TRAF3IP3: variants seen among roughly 807,000 people sequenced by gnomAD.
The protein encoded by TRAF3IP3 is TRAF3-interacting JNK-activating modulator.
A neutral mutation model predicts 86.5 loss-of-function variants in TRAF3IP3; 64 were observed. The ratio of observed to expected loss-of-function variants is 0.74; its 90% CI spans 0.60 to 0.91. TRAF3IP3 has a LOEUF of 0.91. Ranked by LOEUF, TRAF3IP3 falls within the 40% of genes least tolerant of loss-of-function variation. TRAF3IP3 has a pLI of 0.00. For synonymous variants in TRAF3IP3, 220 were observed against 243.9 expected (o/e 0.90, Z 0.91); for missense variants, 579 against 642.9 (o/e 0.90, Z 1.07).
chr1:209,760,354 T>C lies in TRAF3IP3; in HGVS notation c.315T>C (p.Cys105=). The C allele has an allele frequency of 1.9e-6, 3 of 1,608,796 alleles. No homozygotes were observed. Among genetic ancestry groups the C allele is most frequent in the Non-Finnish European group, 2.5e-6 (3 of 1,177,530 alleles). Residue 105 remains cysteine, a synonymous_variant, in exon 3 of 17, where the codon TGT becomes TGC. Coordinates refer to ENST00000367025, the MANE Select transcript of TRAF3IP3 (RefSeq NM_025228.4). ...CTGTCCTCAAGGAACCCTTGTCTTG[T>C]GCCAGAAGGATTTCTTCTCCCAGAG... is the stretch of plus-strand genomic sequence containing the variant. ...QVTVLKEPLS[C]ARRISSPREQ...
Position 209,780,624 on chromosome 1 carries a change from G to A in TRAF3IP3, c.1449+18G>A, listed in dbSNP as rs765230204. Reference sequence around the variant, plus strand: ...AAAAGGAGGTGAGAGGGTGACCTGAGATAGTGAGGGCTCATTTGCGAAATA... The same window carrying A: ...AAAAGGAGGTGAGAGGGTGACCTGAAATAGTGAGGGCTCATTTGCGAAATA... On this transcript the variant is annotated intron_variant, in intron 15 of 16. Transcript: ENST00000367025. The A allele has an allele frequency of 1.3e-6, 2 of 1,543,336 alleles. No individual in the cohort carries two copies. The highest frequency in any genetic ancestry group is 2.4e-5 in the South Asian group (2 of 83,300).
chr1:209,763,297 G>A, intron 6 of TRAF3IP3, 66 bp from the exon 7 acceptor site: 1 of 1,576,972 alleles, frequency 6.3e-7, no homozygotes, highest in South Asian at 1.1e-5. Context: ...CCCAGGCTCT[G>A]GTTCTATATC....
chr1:209,757,691 G>A (rs962275990), intron 1 of TRAF3IP3, among the ~76,000 whole-genome samples: 7 of 152,184 alleles, frequency 4.6e-5, no homozygotes, highest in African/African-American at 1.7e-4. Context: ...TTAGCTTGGA[G>A]CCTTTGTCTT....
chr1:209,762,606 C>T lies in TRAF3IP3; in HGVS notation c.437C>T (p.Ala146Val), dbSNP rs745707030. The T allele has an allele frequency of 6.6e-7, 1 of 1,521,658 alleles. No homozygotes were observed. Among genetic ancestry groups the T allele is most frequent in the Non-Finnish European group, 8.8e-7 (1 of 1,137,734 alleles). 94.3% of individuals were successfully genotyped at this position (1,521,658 alleles called of 1,614,324 possible). ...CTGTCTGACCACCTCTCCTCACAGG[C>T]TGGGGGCCTTCCTCCACAGGACACT... ...RDLSDHLSSQ[A>V]GGLPPQDTPI... The change falls in exon 4 of 17, where the codon GCT (alanine) becomes GTT (valine). Residue 146 changes from alanine to valine, a missense_variant. Coordinates refer to ENST00000367025, the MANE Select transcript of TRAF3IP3 (RefSeq NM_025228.4).
At chr1:209,767,381 C>G (rs2077376468) in intron 8 of TRAF3IP3, among the ~76,000 whole-genome samples, 1 of 152,160 alleles carries the variant, frequency 6.6e-6, no homozygotes, top group South Asian at 2.1e-4. Flanking sequence ...TGTGAATGAT[C>G]AGATCTGTGT....
At chr1:209,760,532 T>A in intron 3 of TRAF3IP3, 148 bp downstream of exon 3, 1 of 684,728 alleles carries the variant, frequency 1.5e-6, no homozygotes, top group Non-Finnish European at 2.4e-6. Context: ...CTACTTATAG[T>A]AAAGTTGCCA....
chr1:209,770,548 G>A (rs1371313134), intron 8 of TRAF3IP3, among the ~76,000 whole-genome samples: 3 of 148,758 alleles, frequency 2.0e-5, no homozygotes, highest in Non-Finnish European at 1.5e-5. Flanking sequence ...TGCAGGTGGA[G>A]GTGTGTGTGT....
intron 8 of TRAF3IP3, among the ~76,000 whole-genome samples, chr1:209,770,682 T>G (rs12076385): frequency 0.4 from 50,278 of 127,018 alleles, 9,095 homozygotes; most frequent in Non-Finnish European, 0.43. Flanking sequence ...CATATGGAGG[T>G]GTGTGTGTGC....
intron 8 of TRAF3IP3, among the ~76,000 whole-genome samples, chr1:209,770,089 C>A (rs944648834): frequency 6.6e-6 from 1 of 152,176 alleles, no homozygotes; most frequent in Non-Finnish European, 1.5e-5. Context: ...ATTGGCTCTT[C>A]ATGCCGGCCT....
chr1:209,770,129 C>T (rs1244498576), intron 8 of TRAF3IP3, among the ~76,000 whole-genome samples: 3 of 152,218 alleles, frequency 2.0e-5, no homozygotes, highest in African/African-American at 7.2e-5. Context: ...AGATTAGCAT[C>T]TTTCTTGGAA....
In TRAF3IP3 at chr1:209,763,481, C is replaced by T. The variant is rs553362520; in HGVS notation, c.607-11C>T. ...ATCTTACCCTCTTGCACTTTGTGCC[C>T]GCACCCCCAGGAGGCCCTACAAAGG... is the stretch of plus-strand genomic sequence containing the variant. On this transcript the variant is annotated splice_polypyrimidine_tract_variant and intron_variant, in intron 7 of 16. Coordinates refer to ENST00000367025, the MANE Select transcript of TRAF3IP3 (RefSeq NM_025228.4). The T allele has an allele frequency of 1.7e-4, 268 of 1,613,778 alleles. 3 individuals are homozygous for T. The East Asian group carries it at 4.7e-3, about 28-fold the overall frequency.
At chr1:209,762,262 G>A (rs774052577) in intron 3 of TRAF3IP3, among the ~76,000 whole-genome samples, 7 of 152,128 alleles carry the variant, frequency 4.6e-5, no homozygotes, top group Non-Finnish European at 7.4e-5. Context: ...AAGCTCTCTC[G>A]TGTCTCTTCT....
intron 5 of TRAF3IP3, 30 bp from the exon 6 acceptor site, chr1:209,763,038 A>T: frequency 6.2e-7 from 1 of 1,612,704 alleles, no homozygotes; most frequent in Non-Finnish European, 8.5e-7. Context: ...TTGGTCCATT[A>T]TCATTATTTT....
At chr1:209,776,663 A>G (rs1433218913) in intron 11 of TRAF3IP3, 1 of 151,554 alleles carries the variant, frequency 6.6e-6, no homozygotes, top group Non-Finnish European at 1.5e-5. Context: ...CAAAAAAAAA[A>G]CTGATACTGC....
Position 209,779,334 on chromosome 1 carries a change from C to T in TRAF3IP3, c.1272C>T (p.Ser424=). 6.2e-7 allele frequency: 1 copy of T among 1,614,114 alleles called. No individual in the cohort carries two copies. The highest frequency in any genetic ancestry group is 8.5e-7 in the Non-Finnish European group (1 of 1,179,976). ...CAACAGGTTTGCTTCAAAATCAATC[C>T]TTACAGCTTCAAGAACAGGAGAAAC... is the stretch of plus-strand genomic sequence containing the variant. The part of the protein sequence containing the change: ...QQLQGLLQNQ[S]LQLQEQEKLL... The change falls in exon 14 of 17, where the codon TCC becomes TCT. Residue 424 remains serine (S), a synonymous_variant. Transcript: ENST00000367025.
At chr1:209,776,023 A>G (rs527570223) in intron 11 of TRAF3IP3, 1 of 290,620 alleles carries the variant, frequency 3.4e-6, no homozygotes, top group South Asian at 7.7e-5. Context: ...CAGCCTACTA[A>G]TGTCATCTCC....
rs1158225168 is a variant in TRAF3IP3 at position 209,778,122 on chromosome 1, A to G, written c.1201A>G (p.Arg401Gly). 6.2e-7 allele frequency: 1 copy of G among 1,614,022 alleles called. No individual in the cohort carries two copies. The highest frequency in any genetic ancestry group is 1.3e-5 in the African/African-American group (1 of 75,040). Residue 401 changes from arginine (R) to glycine (G), a missense_variant, in exon 13 of 17, where the codon AGG (arginine) becomes GGG (glycine). Physicochemically the swap from Arg to Gly is moderately radical, Grantham distance 125. Transcript: ENST00000367025. ...DTQDLQDQLK[R>G]SEAEKLTLVT... ...TATTGCATTTTCAGATCAACTAAAA[A>G]GGTCAGAGGCAGAGAAACTCACCCT... is the stretch of plus-strand genomic sequence containing the variant.
In TRAF3IP3 at chr1:209,780,288, T is replaced by C. The variant is rs7555528; in HGVS notation, c.1313-182T>C. 7.5e-3 allele frequency: 3,422 copies of C among 457,902 alleles called. 118 individuals carry two copies. The highest frequency in any genetic ancestry group is 0.061 in the African/African-American group (3,090 of 50,318). 28.4% of individuals were successfully genotyped at this position (457,902 alleles called of 1,614,324 possible). On this transcript the variant is annotated intron_variant, in intron 14 of 16. Transcript: ENST00000367025. ...TCAAGGAGCTCAGATTCCAGCTGTCTGTCCAAGCTTAGCAGGGGCCTACTG... is the reference window on the plus strand; with the variant it reads ...TCAAGGAGCTCAGATTCCAGCTGTCCGTCCAAGCTTAGCAGGGGCCTACTG...
At chr1:209,770,805 G>C (rs1394495366) in intron 8 of TRAF3IP3, among the ~76,000 whole-genome samples, 1 of 137,746 alleles carries the variant, frequency 7.3e-6, no homozygotes, top group Non-Finnish European at 1.6e-5. Context: ...ATATGGAGGT[G>C]TGTGTGTGCA....
Sources: allele counts gnomAD v4.1 joint callset (sites outside exome capture counted in the v4.1 genomes callset), GRCh38; gene constraint gnomAD v4.1.1; transcripts MANE v1.5; gene names NCBI Gene and HGNC (gene_info 2026-07-23, HGNC 2026-07-21).